ROBO1: variants seen among roughly 807,000 people sequenced by gnomAD.
The protein encoded by ROBO1 is roundabout homolog 1.
ROBO1 carries 149 observed loss-of-function variants against 195.9 expected under a neutral mutation model. That is an observed-to-expected ratio of 0.76 (90% CI 0.67 to 0.87). The LOEUF (loss-of-function observed/expected upper bound fraction) is 0.87, where lower values mean the gene tolerates loss of function less well. ROBO1 is among the 40% of genes least tolerant of loss of function. ROBO1 has a pLI of 0.00. For missense variants in ROBO1, 1,933 were observed against 2,068.3 expected (o/e 0.93, Z 1.27); for synonymous variants, 816 against 733.2 (o/e 1.11, Z -1.82).
intron 20 of ROBO1, among the ~76,000 whole-genome samples, chr3:78,646,671 G>C (rs1706314813): frequency 6.7e-6 from 1 of 150,272 alleles, no homozygotes; most frequent in South Asian, 2.1e-4. Context: ...AAAGAGAAAT[G>C]TTAAAATAAA....
intron 2 of ROBO1, among the ~76,000 whole-genome samples, chr3:79,249,035 A>G (rs1473303145): frequency 6.6e-6 from 1 of 152,214 alleles, no homozygotes; most frequent in Non-Finnish European, 1.5e-5. Flanking sequence ...GTACTATTAG[A>G]AATCTACCTG....
At chr3:79,117,471 A>G (rs2080027652) in intron 3 of ROBO1, among the ~76,000 whole-genome samples, 1 of 152,194 alleles carries the variant, frequency 6.6e-6, no homozygotes, top group African/African-American at 2.4e-5. Context: ...TCCTGTGTCA[A>G]GATGGGACAT....
At chr3:79,731,939 C>T (rs1352630086) in intron 1 of ROBO1, among the ~76,000 whole-genome samples, 1 of 152,008 alleles carries the variant, frequency 6.6e-6, no homozygotes, top group Admixed American at 6.6e-5. Context: ...TCATGCATCA[C>T]TTGATTGTGG....
At chr3:79,536,420 T>TTCTG (rs5850436) in intron 2 of ROBO1, among the ~76,000 whole-genome samples, 11,290 of 151,968 alleles carry the variant, frequency 0.074, 459 homozygotes, top group East Asian at 0.16. Context: ...TTCCATCGCT[T>TTCTG]TCTGTCAATA....
intron 16 of ROBO1, 104 bp downstream of exon 16, chr3:78,660,926 A>C (rs2107666133): frequency 1.3e-6 from 1 of 797,458 alleles, no homozygotes; most frequent in African/African-American, 1.7e-5. Context: ...CAAGAAAGTT[A>C]GTAATTAATG....
At chr3:78,845,909 A>G (rs2033635260) in intron 4 of ROBO1, among the ~76,000 whole-genome samples, 1 of 152,136 alleles carries the variant, frequency 6.6e-6, no homozygotes, top group South Asian at 2.1e-4. Flanking sequence ...AGACTAATAA[A>G]TTATTCTTCC....
intron 3 of ROBO1, among the ~76,000 whole-genome samples, chr3:79,094,419 T>C (rs890065859): frequency 6.6e-6 from 1 of 152,110 alleles, no homozygotes; most frequent in African/African-American, 2.4e-5. Context: ...CTGCAAATCA[T>C]AAGTACTGCA....
At chr3:79,671,255 T>C (rs1459171014) in intron 1 of ROBO1, among the ~76,000 whole-genome samples, 1 of 151,816 alleles carries the variant, frequency 6.6e-6, no homozygotes, top group Non-Finnish European at 1.5e-5. Context: ...GAATGGAATA[T>C]TACAAGGGAA....
chr3:78,887,127 TG>T, intron 4 of ROBO1, among the ~76,000 whole-genome samples: 1 of 152,194 alleles, frequency 6.6e-6, no homozygotes, highest in South Asian at 2.1e-4. Flanking sequence ...GAAATTAATA[TG>T]GATACAATAA....
At chr3:78,845,429 G>A (rs1025530786) in intron 4 of ROBO1, among the ~76,000 whole-genome samples, 17 of 151,896 alleles carry the variant, frequency 1.1e-4, no homozygotes, top group African/African-American at 4.1e-4. Flanking sequence ...AATTACACAT[G>A]TGGCTCATAT....
intron 2 of ROBO1, among the ~76,000 whole-genome samples, chr3:79,150,058 C>T (rs1428265254): frequency 6.6e-6 from 1 of 151,726 alleles, no homozygotes; most frequent in African/African-American, 2.4e-5. Flanking sequence ...CTCAGACATG[C>T]ACACTGAGCC....
intron 4 of ROBO1, among the ~76,000 whole-genome samples, chr3:78,935,448 A>G (rs1203214392): frequency 1.3e-5 from 2 of 152,072 alleles, no homozygotes; most frequent in East Asian, 3.8e-4. Flanking sequence ...TAATTATCCA[A>G]GATCAAATTA....
chr3:79,481,726 A>T (rs1308153897), intron 2 of ROBO1, among the ~76,000 whole-genome samples: 1 of 152,102 alleles, frequency 6.6e-6, no homozygotes, highest in Non-Finnish European at 1.5e-5. Context: ...AATCTTATTC[A>T]TTTTGCCACT....
intron 4 of ROBO1, among the ~76,000 whole-genome samples, chr3:78,835,674 CTTACA>C (rs2032648741): frequency 6.6e-6 from 1 of 152,098 alleles, no homozygotes; most frequent in Non-Finnish European, 1.5e-5. Context: ...ATTATAAATT[CTTACA>C]TTTAATTGAC....
rs553231050 is a variant in ROBO1, at chr3:78,760,797, G to A, written c.500-13897C>T. On this transcript the variant is annotated intron_variant, in intron 4 of 30. Coordinates refer to ENST00000464233, the MANE Select transcript of ROBO1 (RefSeq NM_002941.4). ...GCTGGGACTGGAGGTGTGTGCTACTGTGCCCAGCCAAATTTTTATTTTTTG... is the reference window on the plus strand; with the variant it reads ...GCTGGGACTGGAGGTGTGTGCTACTATGCCCAGCCAAATTTTTATTTTTTG... 2.0e-5 allele frequency among the ~76,000 whole-genome samples: 3 copies of A among 151,706 alleles called. No homozygotes were observed. The East Asian group carries it at 5.8e-4, about 29-fold the overall frequency.
At chr3:79,079,244 G>T (rs78792052) in intron 3 of ROBO1, among the ~76,000 whole-genome samples, 1 of 151,536 alleles carries the variant, frequency 6.6e-6, no homozygotes, top group Non-Finnish European at 1.5e-5. Context: ...TCTTTAAAAG[G>T]CATCTATATA....
intron 2 of ROBO1, among the ~76,000 whole-genome samples, chr3:79,480,680 C>A (rs2107375981): frequency 6.6e-6 from 1 of 152,180 alleles, no homozygotes; most frequent in African/African-American, 2.4e-5. Context: ...TTCTCAATGT[C>A]ATTTTCAAAA....
Position 78,606,787 on chromosome 3 carries a change from C to G in ROBO1, c.4690G>C (p.Gly1564Arg). 6.2e-7 allele frequency: 1 copy of G among 1,613,834 alleles called. No individual in the cohort carries two copies. The change falls in exon 29 of 31, where the codon GGA becomes CGA. Residue 1564 changes from glycine to arginine, a missense_variant. This residue lies in a region of ROBO1 where 1,737 missense variants were observed against 1,882.5 expected (regional missense o/e 0.92). Transcript: ENST00000464233. Reference sequence around the variant, plus strand: ...AGGTCTCGTTTTGCTGCCTTGTTTCCACGTCCTTTCCCGTCATTTTGCTGT... The same window carrying G: ...AGGTCTCGTTTTGCTGCCTTGTTTCGACGTCCTTTCCCGTCATTTTGCTGT... ...QEQQNDGKGR[G>R]NKAAKRDLPP...
intron 2 of ROBO1, among the ~76,000 whole-genome samples, chr3:79,348,224 A>AT (rs899475655): frequency 6.6e-6 from 1 of 151,732 alleles, no homozygotes; most frequent in African/African-American, 2.4e-5. Context: ...AAAAAAAAAA[A>AT]AAAAAAGTGA....
Sources: allele counts gnomAD v4.1 joint callset (sites outside exome capture counted in the v4.1 genomes callset), GRCh38; gene constraint gnomAD v4.1.1; regional missense constraint gnomAD v4.1.1; transcripts MANE v1.5; gene names NCBI Gene and HGNC (gene_info 2026-07-23, HGNC 2026-07-21).